HDHD2: variants seen among roughly 807,000 people sequenced by gnomAD.
The protein encoded by HDHD2 is haloacid dehalogenase-like hydrolase domain-containing protein 2.
HDHD2 carries 26 observed loss-of-function variants against 24.8 expected under a neutral mutation model. That is an observed-to-expected ratio of 1.05 (90% confidence interval 0.77 to 1.45). The LOEUF (loss-of-function observed/expected upper bound fraction) is 1.45. HDHD2 is among the 40% of genes most tolerant of loss of function. The probability of loss-of-function intolerance (pLI) is 0.00; values close to 1 mark genes in which losing one functional copy is unlikely to be tolerated. For synonymous variants in HDHD2, 128 were observed against 114.9 expected (o/e 1.11, Z -0.73); for missense variants, 299 against 313.4 (o/e 0.95, Z 0.35).
rs745354362 is a variant in HDHD2 at position 47,112,983 on chromosome 18, T to C, written c.670A>G (p.Lys224Glu). The C allele has an allele frequency of 6.2e-7, 1 of 1,613,392 alleles. No individual in the cohort carries two copies. The highest frequency in any genetic ancestry group is 1.1e-5 in the South Asian group (1 of 91,060). ...TTATACAGAAGATACATACCAGTCT[T>C]TACTAAGATGCCCAGCATGCCGACA... The part of the protein sequence containing the change: ...QDVGMLGILV[K>E]TGKYRASDEE... Residue 224 changes from lysine to glutamate, a missense_variant, in exon 6 of 7, where the codon AAG (lysine) becomes GAG (glutamate). Lys to Glu is a moderately conservative substitution (Grantham distance 56). Coordinates refer to ENST00000300605, the MANE Select transcript of HDHD2 (RefSeq NM_032124.5).
intron 4 of HDHD2, among the ~76,000 whole-genome samples, chr18:47,128,999 TG>T (rs970430108): frequency 2.0e-4 from 30 of 152,148 alleles, no homozygotes; most frequent in African/African-American, 7.0e-4. Flanking sequence ...AATTCTGGTT[TG>T]TTTTTTTTTT....
At position 47,115,337 on chromosome 18, in the gene HDHD2, T is replaced by A; in HGVS notation, c.407A>T (p.Asp136Val). The change falls in exon 5 of 7, where the codon GAT (aspartate) becomes GTT (valine). Residue 136 changes from aspartate to valine, a missense_variant. Physicochemically the swap from Asp to Val is radical, Grantham distance 152. Coordinates refer to ENST00000300605, the MANE Select transcript of HDHD2 (RefSeq NM_032124.5). Reference protein sequence around the residue: ...ILNQAFRLLLDGAPLIAIHKA... With the variant: ...ILNQAFRLLLVGAPLIAIHKA... ...GTGGATTGCTATCAGAGGTGCTCCATCCAGGAGTAACCTAGAGAGAACAAC... is the reference window on the plus strand; with the variant it reads ...GTGGATTGCTATCAGAGGTGCTCCAACCAGGAGTAACCTAGAGAGAACAAC... The A allele has an allele frequency of 6.2e-7, 1 of 1,613,502 alleles. No homozygotes were observed. The highest frequency in any genetic ancestry group is 8.5e-7 in the Non-Finnish European group (1 of 1,179,578).
chr18:47,110,567 G>A, intron 6 of HDHD2: 2 of 985,436 alleles, frequency 2.0e-6, no homozygotes, highest in Non-Finnish European at 2.4e-6. Flanking sequence ...GTCTGGCTCT[G>A]CAAGTGGGGT....
chr18:47,108,868 C>T lies in HDHD2; in HGVS notation c.677-83G>A. 3 of 755,896 alleles carry T rather than the reference C, an allele frequency of 4.0e-6. No individual in the cohort carries two copies. In the South Asian group the frequency reaches 4.6e-5, roughly 12 times the overall value. 46.8% of individuals were successfully genotyped at this position (755,896 alleles called of 1,614,324 possible). On this transcript the variant is annotated intron_variant, in intron 6 of 6. Transcript: ENST00000300605. ...TACCCCATGAGCACCTGGGTCATCA[C>T]AGCACCACCCTTACAGTTAAGACAG...
intron 1 of HDHD2, among the ~76,000 whole-genome samples, chr18:47,141,844 CA>C (rs1187949231): frequency 2.6e-5 from 4 of 152,170 alleles, no homozygotes; most frequent in African/African-American, 9.7e-5. Flanking sequence ...ACTCGAATCT[CA>C]TCTTGAATCG....
rs190917070 is a variant in HDHD2, at chr18:47,114,300, G to C, written c.612+832C>G. 6.6e-5 allele frequency among the ~76,000 whole-genome samples: 10 copies of C among 152,314 alleles called. No homozygotes were observed. In the East Asian group the frequency reaches 1.7e-3, roughly 26 times the overall value. On this transcript the variant is annotated intron_variant, in intron 5 of 6. Transcript: ENST00000300605. ...TTAAAACAGCTAGGGAGGGAGTCCTGAGCTCAAGCTCTACTTCCAGCTGTG... is the reference window on the plus strand; with the variant it reads ...TTAAAACAGCTAGGGAGGGAGTCCTCAGCTCAAGCTCTACTTCCAGCTGTG...
rs2063490959 is a variant in HDHD2 at position 47,108,535 on chromosome 18, T to C, written c.*147A>G. ...TACTGGCTAGCCGCAATTCAATACC[T>C]TTCTTTCTAATTAATGCACAACAAA... On this transcript the variant is annotated 3_prime_UTR_variant, in exon 7 of 7. Transcript: ENST00000300605. The C allele has an allele frequency of 2.0e-6, 1 of 492,458 alleles. No homozygotes were observed. Among genetic ancestry groups the C allele is most frequent in the East Asian group, 3.4e-5 (1 of 29,626 alleles). 30.5% of individuals were successfully genotyped at this position (492,458 alleles called of 1,614,324 possible). A position where few individuals can be genotyped will look rare whatever the true frequency, so the allele number is the denominator to read the frequency against.
chr18:47,126,181 CA>C (rs1445252503), intron 4 of HDHD2, among the ~76,000 whole-genome samples: 4 of 152,140 alleles, frequency 2.6e-5, no homozygotes, highest in African/African-American at 7.2e-5. Context: ...TCAACCCTTT[CA>C]AAAATGGGAA....
At chr18:47,142,824 A>G (rs2063831997) in intron 1 of HDHD2, among the ~76,000 whole-genome samples, 1 of 152,174 alleles carries the variant, frequency 6.6e-6, no homozygotes, top group Non-Finnish European at 1.5e-5. Context: ...GATAATGTCT[A>G]TATAGATATT....
In HDHD2 at chr18:47,123,037, G is replaced by C. The variant is rs1276270401; in HGVS notation, c.395+7207C>G. Among the ~76,000 whole-genome samples, 7 of 152,220 alleles carry C rather than the reference G, an allele frequency of 4.6e-5. No individual in the cohort carries two copies. In the East Asian group the frequency reaches 1.4e-3, roughly 29 times the overall value. ...CTATCTACTATCACCATGTTTATTAGGAGTGCACTAGGAGTCCCAGACAGT... is the reference window on the plus strand; with the variant it reads ...CTATCTACTATCACCATGTTTATTACGAGTGCACTAGGAGTCCCAGACAGT... On this transcript the variant is annotated intron_variant, in intron 4 of 6. Coordinates refer to ENST00000300605, the MANE Select transcript of HDHD2 (RefSeq NM_032124.5).
At chr18:47,130,159 C>T (rs2063699004) in intron 4 of HDHD2, 85 bp downstream of exon 4, 4 of 807,164 alleles carry the variant, frequency 5.0e-6, no homozygotes, top group Middle Eastern at 6.0e-4. Flanking sequence ...GAAAGTAAAA[C>T]ACATAAACCC....
At chr18:47,146,418 G>C (rs1401589737) in intron 1 of HDHD2, among the ~76,000 whole-genome samples, 1 of 152,132 alleles carries the variant, frequency 6.6e-6, no homozygotes, top group South Asian at 2.1e-4. Context: ...GCTAGTGAAA[G>C]AATATACTTG....
At chr18:47,109,587 AC>A (rs1005207310) in intron 6 of HDHD2, 1 of 152,166 alleles carries the variant, frequency 6.6e-6, no homozygotes, top group African/African-American at 2.4e-5. Context: ...TGACCCTCTC[AC>A]CTAAGCATGT....
At chr18:47,139,987 G>GAGGCT (rs2063805320) in intron 1 of HDHD2, among the ~76,000 whole-genome samples, 1 of 152,178 alleles carries the variant, frequency 6.6e-6, no homozygotes, top group Admixed American at 6.5e-5. Flanking sequence ...CCTCCTGTAA[G>GAGGCT]AACCTGGTCA....
chr18:47,141,192 T>C (rs1343634550), intron 1 of HDHD2, among the ~76,000 whole-genome samples: 1 of 152,250 alleles, frequency 6.6e-6, no homozygotes, highest in East Asian at 1.9e-4. Flanking sequence ...TTTTACCTAC[T>C]ACTTTTTCTG....
intron 1 of HDHD2, among the ~76,000 whole-genome samples, chr18:47,145,558 T>C (rs1241419270): frequency 6.6e-6 from 1 of 152,206 alleles, no homozygotes; most frequent in Non-Finnish European, 1.5e-5. Flanking sequence ...GTTGGAACCA[T>C]GGAATATCCA....
intron 1 of HDHD2, among the ~76,000 whole-genome samples, chr18:47,141,913 T>C (rs2144380830): frequency 6.6e-6 from 1 of 152,334 alleles, no homozygotes; most frequent in African/African-American, 2.4e-5. Context: ...AATTGAATCA[T>C]GGGGGTGGGT....
At chr18:47,114,586 G>A (rs910724133) in intron 5 of HDHD2, among the ~76,000 whole-genome samples, 20 of 152,128 alleles carry the variant, frequency 1.3e-4, no homozygotes, top group African/African-American at 4.1e-4. Flanking sequence ...AGGTGCTCAC[G>A]GCCACAGGTG....
chr18:47,150,104 T>G (rs1344653803), intron 1 of HDHD2: 1 of 152,328 alleles, frequency 6.6e-6, no homozygotes, highest in East Asian at 1.9e-4. Flanking sequence ...AGAGCACGCT[T>G]CGAGGAATGA....
Sources: allele counts gnomAD v4.1 joint callset (sites outside exome capture counted in the v4.1 genomes callset), GRCh38; gene constraint gnomAD v4.1.1; transcripts MANE v1.5; gene names NCBI Gene and HGNC (gene_info 2026-07-23, HGNC 2026-07-21).